The following SLC35F1 variants were observed in gnomAD, a reference collection of about 807,000 sequenced individuals.
The protein encoded by SLC35F1 is solute carrier family 35 member F1, also known as chromosome 6 open reading frame 169.
Under a neutral mutation model 48.7 loss-of-function variants are expected in SLC35F1, and 14 were observed. The ratio of observed to expected loss-of-function variants is 0.29; its 90% CI spans 0.19 to 0.45. The LOEUF (loss-of-function observed/expected upper bound fraction) is 0.45. Among genes scored for constraint, SLC35F1 ranks in the 20% least tolerant of loss-of-function variants. SLC35F1 has a pLI of 1.00. For missense variants in SLC35F1, 404 were observed against 500.0 expected (o/e 0.81, Z 1.83); for synonymous variants, 190 against 202.2 (o/e 0.94, Z 0.51).
At chr6:118,189,455 G>C (rs953877506) in intron 2 of SLC35F1, among the ~76,000 whole-genome samples, 2 of 152,086 alleles carry the variant, frequency 1.3e-5, no homozygotes, top group African/African-American at 4.8e-5. Flanking sequence ...TTTAAAATCA[G>C]ATTATTATTA....
intron 3 of SLC35F1, among the ~76,000 whole-genome samples, chr6:118,238,939 C>G (rs1775401932): frequency 6.6e-6 from 1 of 151,946 alleles, no homozygotes; most frequent in Non-Finnish European, 1.5e-5. Flanking sequence ...GCCATCCGGT[C>G]ACATATCTGT....
chr6:117,993,133 G>A (rs1776941667), intron 1 of SLC35F1, among the ~76,000 whole-genome samples: 1 of 152,162 alleles, frequency 6.6e-6, no homozygotes, highest in African/African-American at 2.4e-5. Context: ...AGCCTAATGA[G>A]CCAATCCATA....
At chr6:118,127,145 G>A (rs1161626127) in intron 1 of SLC35F1, among the ~76,000 whole-genome samples, 12 of 150,592 alleles carry the variant, frequency 8.0e-5, no homozygotes, top group Non-Finnish European at 1.6e-4. Context: ...ATTATTTTGA[G>A]ATACGTCCCA....
intron 1 of SLC35F1, among the ~76,000 whole-genome samples, chr6:117,976,038 TG>T (rs1776701093): frequency 6.6e-6 from 1 of 152,206 alleles, no homozygotes; most frequent in African/African-American, 2.4e-5. Context: ...ATCTATTGAA[TG>T]TCAGGCACTT....
chr6:118,253,667 G>A (rs1775604101), intron 3 of SLC35F1, among the ~76,000 whole-genome samples: 2 of 149,394 alleles, frequency 1.3e-5, no homozygotes, highest in Non-Finnish European at 3.0e-5. Flanking sequence ...AGGTAGGAGG[G>A]AAAAACAACA....
intron 2 of SLC35F1, among the ~76,000 whole-genome samples, chr6:118,222,397 T>G (rs1202518085): frequency 6.6e-6 from 1 of 152,010 alleles, no homozygotes; most frequent in Non-Finnish European, 1.5e-5. Context: ...CAAATTTAGG[T>G]GCTTTTTTTT....
chr6:118,112,086 CTTTTCTTTTCTTTTCTTTTCT>C (rs1176367816), intron 1 of SLC35F1, among the ~76,000 whole-genome samples: 80 of 14,848 alleles, frequency 5.4e-3, no homozygotes, highest in Non-Finnish European at 9.0e-3. Context: ...TTATTTCTTT[CTTTTCTTTTCTTTTCTTTTCT>C]TTTCTTTTCT....
At chr6:118,235,373 T>A in intron 2 of SLC35F1, 136 bp from the exon 3 acceptor site, 1 of 893,284 alleles carries the variant, frequency 1.1e-6, no homozygotes, top group Middle Eastern at 3.2e-4. Flanking sequence ...ATCTGATACG[T>A]TGATTTATTT....
chr6:118,026,044 A>C (rs1369510925), intron 1 of SLC35F1, among the ~76,000 whole-genome samples: 1 of 152,160 alleles, frequency 6.6e-6, no homozygotes, highest in African/African-American at 2.4e-5. Flanking sequence ...AGGATGATTC[A>C]CACCGTCTCC....
intron 1 of SLC35F1, among the ~76,000 whole-genome samples, chr6:118,060,149 T>G (rs1006581902): frequency 2.0e-5 from 3 of 152,204 alleles, no homozygotes; most frequent in Non-Finnish European, 4.4e-5. Flanking sequence ...ATTAGTAGCC[T>G]CTTTAGGTCT....
intron 3 of SLC35F1, among the ~76,000 whole-genome samples, chr6:118,240,747 G>A (rs1297457573): frequency 2.0e-5 from 3 of 152,332 alleles, no homozygotes; most frequent in Middle Eastern, 3.4e-3. Flanking sequence ...AGATTAGTTG[G>A]AAGGGAAAGA....
intron 7 of SLC35F1, among the ~76,000 whole-genome samples, chr6:118,303,619 T>A (rs1025363317): frequency 1.3e-5 from 2 of 152,176 alleles, no homozygotes; most frequent in African/African-American, 4.8e-5. Context: ...CTCTGAGGGG[T>A]TGGTGTTTTA....
intron 1 of SLC35F1, among the ~76,000 whole-genome samples, chr6:117,938,092 C>G (rs888888053): frequency 6.6e-6 from 1 of 152,156 alleles, no homozygotes; most frequent in Admixed American, 6.5e-5. Flanking sequence ...CCTTAGGCAA[C>G]AGGTCTAAAA....
At chr6:118,056,492 G>A (rs1167075959) in intron 1 of SLC35F1, among the ~76,000 whole-genome samples, 2 of 152,162 alleles carry the variant, frequency 1.3e-5, no homozygotes, top group Non-Finnish European at 2.9e-5. Context: ...GAAGAAGTAA[G>A]TCCCCTTTTA....
chr6:118,224,695 TTTC>T (rs760212458), intron 2 of SLC35F1, among the ~76,000 whole-genome samples: 15 of 152,236 alleles, frequency 9.9e-5, no homozygotes, highest in Admixed American at 2.0e-4. Context: ...GCTTTCTTGA[TTTC>T]TTCTTCAGAT....
intron 2 of SLC35F1, among the ~76,000 whole-genome samples, chr6:118,181,453 T>G (rs1774577349): frequency 6.6e-6 from 1 of 152,044 alleles, no homozygotes; most frequent in Non-Finnish European, 1.5e-5. Context: ...ATAGAACCCC[T>G]AATTTAAAAC....
intron 1 of SLC35F1, among the ~76,000 whole-genome samples, chr6:118,034,582 T>C (rs536754782): frequency 6.6e-6 from 1 of 151,906 alleles, no homozygotes; most frequent in African/African-American, 2.4e-5. Flanking sequence ...AATAAATAAA[T>C]AATCAATCAA....
At chr6:118,198,155 A>G (rs1234065271) in intron 2 of SLC35F1, among the ~76,000 whole-genome samples, 1 of 152,180 alleles carries the variant, frequency 6.6e-6, no homozygotes, top group African/African-American at 2.4e-5. Flanking sequence ...ATAAGCTTGG[A>G]CTTCAATCAT....
chr6:118,303,942 A>C (rs1353309746), intron 7 of SLC35F1, among the ~76,000 whole-genome samples: 1 of 152,224 alleles, frequency 6.6e-6, no homozygotes, highest in Non-Finnish European at 1.5e-5. Context: ...CCATAGCATC[A>C]AGGATAATCT....
Sources: gnomAD v4.1 joint callset for allele counts (sites outside exome capture counted in the v4.1 genomes callset) on GRCh38, gnomAD v4.1.1 for gene constraint, MANE v1.5 for transcripts, NCBI Gene and HGNC (gene_info 2026-07-23, HGNC 2026-07-21) for gene names.